The following FRMD5 variants were observed in gnomAD, a reference collection of about 807,000 sequenced individuals.
The protein encoded by FRMD5 is FERM domain-containing protein 5.
Under a neutral mutation model 69.0 loss-of-function variants are expected in FRMD5, and 20 were observed. The observed-to-expected ratio is 0.29, with a 90% CI of 0.20 to 0.42. The LOEUF (loss-of-function observed/expected upper bound fraction) is 0.42, where lower values mean the gene tolerates loss of function less well. Among genes scored for constraint, FRMD5 ranks in the 10% least tolerant of loss-of-function variants. The pLI is 1.00. For synonymous variants in FRMD5, 271 were observed against 260.1 expected (o/e 1.04, Z -0.40); for missense variants, 595 against 708.6 (o/e 0.84, Z 1.82).
chr15:44,084,224 C>T (rs1224598384), intron 1 of FRMD5, among the ~76,000 whole-genome samples: 1 of 151,924 alleles, frequency 6.6e-6, no homozygotes, highest in Non-Finnish European at 1.5e-5. Context: ...GATGATAACA[C>T]ACCTATCTTT....
At chr15:44,139,188 T>A (rs2140439462) in intron 1 of FRMD5, among the ~76,000 whole-genome samples, 1 of 152,204 alleles carries the variant, frequency 6.6e-6, no homozygotes, top group Admixed American at 6.5e-5. Flanking sequence ...TCAAATACAC[T>A]AAGATCCTTT....
At chr15:43,883,377 T>A (rs2088583362) in intron 13 of FRMD5, among the ~76,000 whole-genome samples, 1 of 152,136 alleles carries the variant, frequency 6.6e-6, no homozygotes, top group South Asian at 2.1e-4. Context: ...AGATTACAGG[T>A]GTGAGCCACC....
At chr15:44,108,594 G>A (rs1396095736) in intron 1 of FRMD5, among the ~76,000 whole-genome samples, 2 of 152,100 alleles carry the variant, frequency 1.3e-5, no homozygotes, top group African/African-American at 4.8e-5. Flanking sequence ...GTAGTGAGCC[G>A]AGATCACGCC....
intron 1 of FRMD5, among the ~76,000 whole-genome samples, chr15:44,044,232 T>C (rs1892331014): frequency 2.0e-5 from 3 of 152,148 alleles, no homozygotes; most frequent in African/African-American, 2.4e-5. Flanking sequence ...TACCATCTCA[T>C]GCCAGTTAGA....
rs1566889729 is a variant in FRMD5, at chr15:43,999,947, GCCA to G, written c.103-75641_103-75639del. ...TGTATATATATATATATATATATAT[GCCA>G]TGCATATATATATATATATATATAT... On this transcript the variant is annotated intron_variant, in intron 1 of 13. Coordinates refer to ENST00000417257, the MANE Select transcript of FRMD5 (RefSeq NM_032892.5). Among the ~76,000 whole-genome samples, 10 of 97,858 alleles carry G rather than the reference GCCA, an allele frequency of 1.0e-4. 1 individual carries two copies. Among genetic ancestry groups the G allele is most frequent in the African/African-American group, 4.7e-4 (10 of 21,068 alleles). 64.2% of individuals were successfully genotyped at this position (97,858 alleles called of 152,430 possible). A position where few individuals can be genotyped will look rare whatever the true frequency, so the allele number is the denominator to read the frequency against.
At chr15:43,883,651 C>T in intron 13 of FRMD5, 52 bp downstream of exon 13, 1 of 1,321,666 alleles carries the variant, frequency 7.6e-7, no homozygotes, top group Non-Finnish European at 1.1e-6. Context: ...TTCAAGGTCC[C>T]AGATCACAAC....
At chr15:44,142,084 T>C (rs1359768464) in intron 1 of FRMD5, among the ~76,000 whole-genome samples, 1 of 152,142 alleles carries the variant, frequency 6.6e-6, no homozygotes, top group Admixed American at 6.5e-5. Context: ...AAATCAATAA[T>C]CCTGCCTTCT....
At chr15:44,105,276 C>T (rs1333383275) in intron 1 of FRMD5, among the ~76,000 whole-genome samples, 1 of 151,954 alleles carries the variant, frequency 6.6e-6, no homozygotes, top group African/African-American at 2.4e-5. Flanking sequence ...AGGGTTTTGC[C>T]ATGTTGCCTA....
rs35536383 is a variant in FRMD5, at chr15:43,976,830, C to CT, written c.103-52522dup. Among the ~76,000 whole-genome samples, 1,247 of 144,074 alleles carry CT rather than the reference C, an allele frequency of 8.7e-3. 8 individuals carry two copies. Among genetic ancestry groups the CT allele is most frequent in the African/African-American group, 0.025 (992 of 39,528 alleles). 94.5% of individuals were successfully genotyped at this position (144,074 alleles called of 152,430 possible). On this transcript the variant is annotated intron_variant, in intron 1 of 13. Coordinates refer to ENST00000417257, the MANE Select transcript of FRMD5 (RefSeq NM_032892.5). ...TACAGGCATGTACTACCATGACCAA[C>CT]TTTTTTTTTTTTTTCTTTTGAGACA...
intron 1 of FRMD5, among the ~76,000 whole-genome samples, chr15:44,141,442 T>C (rs1420051835): frequency 1.3e-5 from 2 of 152,122 alleles, no homozygotes; most frequent in African/African-American, 4.8e-5. Context: ...TTCTAGACAA[T>C]GGTGGCACTA....
chr15:44,024,398 A>G (rs779206761), intron 1 of FRMD5, among the ~76,000 whole-genome samples: 14 of 152,182 alleles, frequency 9.2e-5, no homozygotes, highest in Non-Finnish European at 1.9e-4. Flanking sequence ...CCAGAGTGGC[A>G]TATCATTTTC....
At chr15:44,065,375 A>AG (rs570988216) in intron 1 of FRMD5, among the ~76,000 whole-genome samples, 75 of 152,342 alleles carry the variant, frequency 4.9e-4, no homozygotes, top group African/African-American at 1.8e-3. Context: ...CCCAAAAGGA[A>AG]GGGGTAATGA....
intron 1 of FRMD5, among the ~76,000 whole-genome samples, chr15:44,052,932 T>A (rs763790918): frequency 4.6e-5 from 7 of 151,880 alleles, no homozygotes; most frequent in Admixed American, 2.6e-4. Context: ...CATGAGGGAG[T>A]CCATGGTCTG....
intron 1 of FRMD5, among the ~76,000 whole-genome samples, chr15:43,948,021 A>G (rs1361977674): frequency 2.0e-5 from 3 of 152,154 alleles, no homozygotes; most frequent in African/African-American, 7.2e-5. Flanking sequence ...TGTGTCAGGT[A>G]CTGTGTTAAG....
At chr15:44,118,739 A>G (rs1160066) in intron 1 of FRMD5, among the ~76,000 whole-genome samples, 125,988 of 152,112 alleles carry the variant, frequency 0.83, 54,826 homozygotes, top group Non-Finnish European at 0.95. Context: ...CGAAAGGTAT[A>G]ATACACAGCT....
intron 1 of FRMD5, among the ~76,000 whole-genome samples, chr15:43,973,062 C>G (rs969600985): frequency 6.6e-6 from 1 of 151,962 alleles, no homozygotes; most frequent in Non-Finnish European, 1.5e-5. Flanking sequence ...TCGCTCTGTC[C>G]TCCAGGCTGG....
chr15:44,183,708 G>A (rs867436756), intron 1 of FRMD5, among the ~76,000 whole-genome samples: 4 of 152,118 alleles, frequency 2.6e-5, no homozygotes, highest in Non-Finnish European at 5.9e-5. Context: ...CTCAGCCGGC[G>A]CGGTGGCTCA....
In FRMD5 at chr15:44,088,931, AGTG is replaced by A. The variant is rs1195431304; in HGVS notation, c.102+106019_102+106021del. On this transcript the variant is annotated intron_variant, in intron 1 of 13. Transcript: ENST00000417257. ...AAACTGTTAAGCTCTTTCACTCAGT[AGTG>A]GTTTTCTCCTGACCCAGTCAAAGTG... is the stretch of plus-strand genomic sequence containing the variant. Among the ~76,000 whole-genome samples, 4 of 152,348 alleles carry A rather than the reference AGTG, an allele frequency of 2.6e-5. No individual in the cohort carries two copies. In the South Asian group the frequency reaches 8.3e-4, roughly 32 times the overall value.
upstream of FRMD5, chr15:44,195,304 T>C (rs2078274195): frequency 8.6e-6 from 4 of 464,672 alleles, no homozygotes; most frequent in Non-Finnish European, 1.5e-5. Context: ...CGTGCCCAGC[T>C]CGCGGGGCGG....
Sources: gnomAD v4.1 joint callset for allele counts (sites outside exome capture counted in the v4.1 genomes callset) on GRCh38, gnomAD v4.1.1 for gene constraint, MANE v1.5 for transcripts, NCBI Gene and HGNC (gene_info 2026-07-23, HGNC 2026-07-21) for gene names.